The following PRICKLE2 variants were observed in gnomAD, a reference collection of about 807,000 sequenced individuals.
PRICKLE2 encodes the protein prickle-like protein 2.
Under a neutral mutation model 81.4 loss-of-function variants are expected in PRICKLE2, and 21 were observed. That is an observed-to-expected ratio of 0.26 (90% CI 0.18 to 0.37). The LOEUF (loss-of-function observed/expected upper bound fraction) is 0.37. Among genes scored for constraint, PRICKLE2 ranks in the 10% least tolerant of loss-of-function variants. PRICKLE2 has a pLI of 1.00. For synonymous variants in PRICKLE2, 456 were observed against 421.5 expected, an observed-to-expected ratio of 1.08 and a Z score of -1.00; for missense variants, 940 against 1,109.0, an observed-to-expected ratio of 0.85 and a Z score of 2.16.
chr3:64,135,206 C>G (rs566331447), intron 7 of PRICKLE2, among the ~76,000 whole-genome samples: 1 of 152,246 alleles, frequency 6.6e-6, no homozygotes, highest in South Asian at 2.1e-4. Flanking sequence ...GGATTTATTC[C>G]AAGGAAAGAC....
chr3:64,233,096 C>A (rs1372746076), intron 2 of PRICKLE2, among the ~76,000 whole-genome samples: 4 of 152,184 alleles, frequency 2.6e-5, no homozygotes, highest in African/African-American at 9.6e-5. Flanking sequence ...TGGTCCTTGA[C>A]ACTGAACATT....
At chr3:64,165,106 T>C (rs1261844833) in intron 2 of PRICKLE2, among the ~76,000 whole-genome samples, 1 of 152,190 alleles carries the variant, frequency 6.6e-6, no homozygotes, top group Non-Finnish European at 1.5e-5. Context: ...TGAATTACTA[T>C]GGATGCTTGA....
At chr3:64,188,100 C>T (rs1165483139) in intron 2 of PRICKLE2, among the ~76,000 whole-genome samples, 1 of 152,228 alleles carries the variant, frequency 6.6e-6, no homozygotes, top group Non-Finnish European at 1.5e-5. Flanking sequence ...TCCGTATCTG[C>T]ACGCAAATCT....
chr3:64,145,097 A>AATT lies in PRICKLE2; in HGVS notation c.1660+1732_1660+1733insAAT, dbSNP rs1388034832. ...TAAAATATTAAATCAATAATATTAA[A>AATT]TTTTTTTTTTTTTTTTTCTAGAGAC... On this transcript the variant is annotated intron_variant, in intron 7 of 7. Coordinates refer to ENST00000638394, the MANE Select transcript of PRICKLE2 (RefSeq NM_198859.4). Among the ~76,000 whole-genome samples, 2 of 140,026 alleles carry AATT rather than the reference A, an allele frequency of 1.4e-5. 1 individual carries two copies. Among genetic ancestry groups the AATT allele is most frequent in the Non-Finnish European group, 3.1e-5 (2 of 65,284 alleles). 91.9% of individuals were successfully genotyped at this position (140,026 alleles called of 152,430 possible). A position where few individuals can be genotyped will look rare whatever the true frequency, so the allele number is the denominator to read the frequency against.
chr3:64,107,873 TC>T (rs1290713742), intron 7 of PRICKLE2, among the ~76,000 whole-genome samples: 1 of 152,218 alleles, frequency 6.6e-6, no homozygotes, highest in Non-Finnish European at 1.5e-5. Flanking sequence ...TAGTATCTAT[TC>T]AACCATGTCC....
At chr3:64,256,227 A>C (rs1460135491) in intron 2 of PRICKLE2, among the ~76,000 whole-genome samples, 4 of 152,330 alleles carry the variant, frequency 2.6e-5, no homozygotes, top group South Asian at 2.1e-4. Flanking sequence ...TATATGGCCC[A>C]GGAGCTAAGA....
chr3:64,202,429 A>G (rs2078600268), intron 1 of PRICKLE2, among the ~76,000 whole-genome samples: 1 of 152,008 alleles, frequency 6.6e-6, no homozygotes, highest in African/African-American at 2.4e-5. Flanking sequence ...AATTTCTTTC[A>G]ATTATATTTT....
chr3:64,168,811 A>G (rs896948201), intron 2 of PRICKLE2, among the ~76,000 whole-genome samples: 1 of 152,232 alleles, frequency 6.6e-6, no homozygotes, highest in Non-Finnish European at 1.5e-5. Context: ...GTGGCTGACC[A>G]CAGAAACGAT....
At chr3:64,214,415 T>C (rs1441949132) in intron 1 of PRICKLE2, among the ~76,000 whole-genome samples, 1 of 152,150 alleles carries the variant, frequency 6.6e-6, no homozygotes, top group Non-Finnish European at 1.5e-5. Context: ...GACATTATTT[T>C]CAGGAGAGAC....
Position 64,099,470 on chromosome 3 carries a change from C to T in PRICKLE2, c.2116G>A (p.Glu706Lys), listed in dbSNP as rs2106935394. 6.3e-7 allele frequency: 1 copy of T among 1,583,982 alleles called. No individual in the cohort carries two copies. Among genetic ancestry groups the T allele is most frequent in the Non-Finnish European group, 8.6e-7 (1 of 1,161,006 alleles). Residue 706 changes from glutamate to lysine, a missense_variant, in exon 8 of 8, where the codon GAG becomes AAG. Physicochemically the swap from Glu to Lys is moderately conservative, Grantham distance 56. Transcript: ENST00000638394. This position sits in a 1 kb window ranked among gnomAD's most constrained non-coding sequence, Gnocchi z 4.3. ...DNALHLASER[E>K]AISRLKDRPP... ...CTATCTTTTAACCGGGAGATGGCCT[C>T]GCGTTCGCTGGCCAGGTGGAGGGCG...
intron 7 of PRICKLE2, among the ~76,000 whole-genome samples, chr3:64,123,987 C>G (rs1035249304): frequency 6.6e-6 from 1 of 152,142 alleles, no homozygotes; most frequent in African/African-American, 2.4e-5. Flanking sequence ...GAGGAAGACA[C>G]GTTGAAAGTC....
At chr3:64,165,021 G>C (rs1173317014) in intron 2 of PRICKLE2, among the ~76,000 whole-genome samples, 1 of 152,168 alleles carries the variant, frequency 6.6e-6, no homozygotes, top group African/African-American at 2.4e-5. Flanking sequence ...GAAAGGCCTT[G>C]TTCCATCATT....
intron 2 of PRICKLE2, among the ~76,000 whole-genome samples, chr3:64,196,085 A>G (rs2078447667): frequency 1.3e-5 from 2 of 152,236 alleles, no homozygotes; most frequent in African/African-American, 4.8e-5. Context: ...GGATGAGTCA[A>G]GGGACCTCCA....
intron 7 of PRICKLE2, among the ~76,000 whole-genome samples, chr3:64,125,098 C>A (rs569394053): frequency 6.6e-6 from 1 of 152,132 alleles, no homozygotes; most frequent in Non-Finnish European, 1.5e-5. Flanking sequence ...TTGATTCTAA[C>A]CCTCATGGAT....
At chr3:64,206,384 G>T (rs1028469928) in intron 1 of PRICKLE2, among the ~76,000 whole-genome samples, 1 of 152,166 alleles carries the variant, frequency 6.6e-6, no homozygotes, top group Non-Finnish European at 1.5e-5. Context: ...GCAACTCTGG[G>T]CAATGTACAT....
chr3:64,180,462 C>A lies in PRICKLE2; in HGVS notation c.145-17333G>T, dbSNP rs866059757. ...AAACTCTGTACTCATTAACCACTCA[C>A]TTCCCATTCTCCTCCCCTTCAGCCC... On this transcript the variant is annotated intron_variant, in intron 2 of 7. Coordinates refer to ENST00000638394, the MANE Select transcript of PRICKLE2 (RefSeq NM_198859.4). Among the ~76,000 whole-genome samples, 32 of 152,262 alleles carry A rather than the reference C, an allele frequency of 2.1e-4. 1 individual carries two copies. The Middle Eastern group carries it at 0.017, about 81-fold the overall frequency.
rs115403269 is a variant in PRICKLE2 at position 64,138,631 on chromosome 3, G to T, written c.1660+8199C>A. Among the ~76,000 whole-genome samples the T allele has an allele frequency of 2.6e-3, 398 of 152,314 alleles. 1 individual carries two copies. Among genetic ancestry groups the T allele is most frequent in the Non-Finnish European group, 4.1e-3 (281 of 68,028 alleles). On this transcript the variant is annotated intron_variant, in intron 7 of 7. Transcript: ENST00000638394. ...GAAGTTACTTGATCAAAAAAATTTT[G>T]TTTACACCCATTGGAGTTAGAATTC... is the stretch of plus-strand genomic sequence containing the variant.
At chr3:64,200,343 T>C (rs1212625874) in intron 1 of PRICKLE2, 4 of 152,258 alleles carry the variant, frequency 2.6e-5, no homozygotes, top group Non-Finnish European at 5.9e-5. Flanking sequence ...ATTGTATAGA[T>C]ATACCACATT....
intron 1 of PRICKLE2, among the ~76,000 whole-genome samples, chr3:64,223,482 T>G (rs567126966): frequency 6.6e-6 from 1 of 152,322 alleles, no homozygotes; most frequent in South Asian, 2.1e-4. Flanking sequence ...TCTTTCTTCC[T>G]CTATTTCTAT....
Sources: gnomAD v4.1 joint callset for allele counts (sites outside exome capture counted in the v4.1 genomes callset) on GRCh38, gnomAD v4.1.1 for gene constraint, Gnocchi (gnomAD v3.1) non-coding constraint, MANE v1.5 for transcripts, NCBI Gene and HGNC (gene_info 2026-07-23, HGNC 2026-07-21) for gene names.